Variants in ERBB3 observed in about 807,000 individuals in gnomAD.
The protein encoded by ERBB3 is erb-b2 receptor tyrosine kinase 3.
Under a neutral mutation model 156.7 loss-of-function variants are expected in ERBB3, and 96 were observed. The ratio of observed to expected loss-of-function variants is 0.61; its 90% CI spans 0.52 to 0.73. ERBB3 has a LOEUF of 0.73. Ranked by LOEUF, ERBB3 falls within the 30% of genes least tolerant of loss-of-function variation. The pLI is 0.00. For missense variants in ERBB3, 1,406 were observed against 1,709.4 expected (o/e 0.82, Z 3.13); for synonymous variants, 567 against 632.0 (o/e 0.90, Z 1.54).
In ERBB3 at chr12:56,102,320, C is replaced by CT; in HGVS notation, c.*267dup. On this transcript the variant is annotated 3_prime_UTR_variant, in exon 28 of 28. Transcript: ENST00000267101. ...CTTTCCCAGTCCCATTCCTCAGCTTCTTCACAGGCACTCCTGGAGATATGA... is the reference window on the plus strand; with the variant it reads ...CTTTCCCAGTCCCATTCCTCAGCTTCTTTCACAGGCACTCCTGGAGATATGA... 2.0e-6 allele frequency: 1 copy of CT among 497,316 alleles called. No homozygotes were observed. The highest frequency in any genetic ancestry group is 3.6e-6 in the Non-Finnish European group (1 of 274,012). The allele number at this position is 497,316 out of a possible 1,614,324, so 30.8% of individuals were successfully genotyped here.
chr12:56,088,008 C>G lies in ERBB3; in HGVS notation c.733-13C>G, dbSNP rs774955844. The G allele has an allele frequency of 1.9e-6, 3 of 1,614,052 alleles. No homozygotes were observed. The East Asian group carries it at 6.7e-5, about 36-fold the overall frequency. ...CACGTAACATAAATCTGATGAGCCT[C>G]CTTTTTTCCCAGGCCTGCCGGCACT... On this transcript the variant is annotated splice_polypyrimidine_tract_variant and intron_variant, in intron 6 of 27. Coordinates refer to ENST00000267101, the MANE Select transcript of ERBB3 (RefSeq NM_001982.4).
At position 56,102,309 on chromosome 12, in the gene ERBB3, T is replaced by G; in HGVS notation, c.*254T>G. Reference sequence around the variant, plus strand: ...TATTTTGTGTGCTTTCCCAGTCCCATTCCTCAGCTTCTTCACAGGCACTCC... The same window carrying G: ...TATTTTGTGTGCTTTCCCAGTCCCAGTCCTCAGCTTCTTCACAGGCACTCC... On this transcript the variant is annotated 3_prime_UTR_variant, in exon 28 of 28. Transcript: ENST00000267101. The G allele has an allele frequency of 1.6e-5, 8 of 497,164 alleles. No homozygotes were observed. The highest frequency in any genetic ancestry group is 3.5e-5 in the East Asian group (1 of 28,622). The allele number at this position is 497,164 out of a possible 1,614,324, so 30.8% of individuals were successfully genotyped here. A position where few individuals can be genotyped will look rare whatever the true frequency, so the allele number is the denominator to read the frequency against.
chr12:56,092,667 C>T (rs1245295769), intron 9 of ERBB3, 80 bp from the exon 10 acceptor site: 3 of 982,016 alleles, frequency 3.1e-6, no homozygotes, highest in Admixed American at 3.4e-5. Context: ...TATTTAGAAA[C>T]CAAATGCTGA....
Position 56,088,786 on chromosome 12 carries a change from G to C in ERBB3, c.1027G>C (p.Val343Leu), listed in dbSNP as rs1327190233. The C allele has an allele frequency of 1.9e-6, 3 of 1,614,112 alleles. No homozygotes were observed. Among genetic ancestry groups the C allele is most frequent in the Non-Finnish European group, 2.5e-6 (3 of 1,180,004 alleles). ...AGGCTCTGGGAGCCGCTTCCAGACTGTGGACTCGAGCAACATTGATGGATT... is the reference window on the plus strand; with the variant it reads ...AGGCTCTGGGAGCCGCTTCCAGACTCTGGACTCGAGCAACATTGATGGATT... ...GTGSGSRFQT[V>L]DSSNIDGFVN... Residue 343 changes from valine (V) to leucine (L), a missense_variant, in exon 9 of 28, where the codon GTG becomes CTG. Val to Leu is a conservative substitution (Grantham distance 32). Coordinates refer to ENST00000267101, the MANE Select transcript of ERBB3 (RefSeq NM_001982.4).
rs765496438 is a variant in ERBB3, at chr12:56,093,806, G to A, written c.1523G>A (p.Gly508Glu). The change falls in exon 13 of 28, where the codon GGA (glycine) becomes GAA (glutamate). Residue 508 changes from glycine to glutamate, a missense_variant. By Grantham distance (98) the Gly-to-Glu change is moderately conservative. Around this residue, in one of 3 missense-constraint regions of ERBB3, gnomAD observed 979 missense variants for 1,219.6 expected, o/e 0.80. Coordinates refer to ENST00000267101, the MANE Select transcript of ERBB3 (RefSeq NM_001982.4). ...TGTGACCCACTGTGCTCCTCTGGGG[G>A]ATGCTGGGGCCCAGGCCCTGGTCAG... ...KVCDPLCSSG[G>E]CWGPGPGQCL... 6.2e-7 allele frequency: 1 copy of A among 1,614,082 alleles called. No homozygotes were observed. The highest frequency in any genetic ancestry group is 1.7e-5 in the Admixed American group (1 of 60,018).
chr12:56,103,403 G>A lies in ERBB3; in HGVS notation c.*1348G>A, dbSNP rs937647419. The stretch of plus-strand genomic sequence containing the variant: ...GATCCAGCTTCAGCTGCACACCTCT[G>A]TCCCCTTGGATGGGGAACTAAGGGA... On this transcript the variant is annotated 3_prime_UTR_variant, in exon 28 of 28. Coordinates refer to ENST00000267101, the MANE Select transcript of ERBB3 (RefSeq NM_001982.4). 88 of 217,022 alleles carry A rather than the reference G, an allele frequency of 4.1e-4. No individual in the cohort carries two copies. The highest frequency in any genetic ancestry group is 1.9e-3 in the African/African-American group (86 of 44,466). 13.4% of individuals were successfully genotyped at this position (217,022 alleles called of 1,614,324 possible). A position where few individuals can be genotyped will look rare whatever the true frequency, so the allele number is the denominator to read the frequency against.
Position 56,101,188 on chromosome 12 carries a change from A to C in ERBB3, c.3329A>C (p.Glu1110Ala), listed in dbSNP as rs905232572. 4 of 1,614,008 alleles carry C rather than the reference A, an allele frequency of 2.5e-6. No individual in the cohort carries two copies. The African/African-American group carries it at 4.0e-5, about 16-fold the overall frequency. Residue 1110 changes from glutamate (E) to alanine (A), a missense_variant, in exon 27 of 28, where the codon GAG becomes GCG. Around this residue, in one of 3 missense-constraint regions of ERBB3, gnomAD observed 415 missense variants for 454.1 expected, o/e 0.91. Transcript: ENST00000267101. Reference protein sequence around the residue: ...HVTGSEAELQEKVSMCRSRSR... With the variant: ...HVTGSEAELQAKVSMCRSRSR... The stretch of plus-strand genomic sequence containing the variant: ...ACAGGCTCTGAGGCTGAGCTCCAGG[A>C]GAAAGTGTCAATGTGTAGGAGCCGG...
chr12:56,084,913 C>T, intron 2 of ERBB3, 82 bp from the exon 3 acceptor site: 1 of 1,603,892 alleles, frequency 6.2e-7, no homozygotes, highest in East Asian at 2.2e-5. Context: ...GTTAAAGAGT[C>T]TTTAATGCCT....
Position 56,088,026 on chromosome 12 carries a change from C to T in ERBB3, c.738C>T (p.Cys246=), listed in dbSNP as rs2136794903. The T allele has an allele frequency of 6.2e-7, 1 of 1,614,160 alleles. No homozygotes were observed. Among genetic ancestry groups the T allele is most frequent in the Non-Finnish European group, 8.5e-7 (1 of 1,180,026 alleles). ...TGAGCCTCCTTTTTTCCCAGGCCTG[C>T]CGGCACTTCAATGACAGTGGAGCCT... The part of the protein sequence containing the change: ...SGPQDTDCFA[C]RHFNDSGACV... Residue 246 remains cysteine, a synonymous_variant, in exon 7 of 28, where the codon TGC becomes TGT. Transcript: ENST00000267101.
Position 56,080,185 on chromosome 12 carries a change from C to G in ERBB3, c.-116C>G. ...CGATTGCAATTTGCAACCTCCGCTG[C>G]CGTCGCCGCAGCAGCCACCAATTCG... On this transcript the variant is annotated 5_prime_UTR_variant, in exon 1 of 28. Coordinates refer to ENST00000267101, the MANE Select transcript of ERBB3 (RefSeq NM_001982.4). 1.2e-6 allele frequency: 1 copy of G among 815,110 alleles called. No homozygotes were observed. The highest frequency in any genetic ancestry group is 2.1e-6 in the Non-Finnish European group (1 of 487,770). The allele number at this position is 815,110 out of a possible 1,614,324, so 50.5% of individuals were successfully genotyped here.
chr12:56,096,403 T>C, intron 17 of ERBB3, 100 bp from the exon 18 acceptor site: 1 of 1,488,386 alleles, frequency 6.7e-7, no homozygotes, highest in Non-Finnish European at 9.3e-7. Flanking sequence ...CTTCCTGCCC[T>C]TTCAGCTGTG....
intron 3 of ERBB3, 23 bp downstream of exon 3, chr12:56,085,204 T>C: frequency 6.2e-7 from 1 of 1,614,178 alleles, no homozygotes; most frequent in Non-Finnish European, 8.5e-7. Flanking sequence ...TGGTTCCTTC[T>C]GGCCTCACCC....
chr12:56,087,604 G>T lies in ERBB3; in HGVS notation c.575G>T (p.Gly192Val), dbSNP rs1868528771. The T allele has an allele frequency of 6.2e-7, 1 of 1,614,188 alleles. No homozygotes were observed. ...CCCCCCTGTCATGAGGTTTGCAAGG[G>T]GCGATGCTGGGGTCCTGGATCAGAA... The part of the protein sequence containing the change: ...SCPPCHEVCK[G>V]RCWGPGSEDC... Residue 192 changes from glycine (G) to valine (V), a missense_variant, in exon 5 of 28, where the codon GGG becomes GTG. Gly to Val is a moderately radical substitution (Grantham distance 109, BLOSUM62 -3). This residue lies in a region of ERBB3 where 979 missense variants were observed against 1,219.6 expected (regional missense o/e 0.80). Transcript: ENST00000267101.
Position 56,088,089 on chromosome 12 carries a change from G to C in ERBB3, c.801G>C (p.Lys267Asn), listed in dbSNP as rs2136795288. 6.2e-7 allele frequency: 1 copy of C among 1,614,178 alleles called. No homozygotes were observed. The highest frequency in any genetic ancestry group is 1.1e-5 in the South Asian group (1 of 91,088). The change falls in exon 7 of 28, where the codon AAG becomes AAC. Residue 267 changes from lysine to asparagine, a missense_variant. Transcript: ENST00000267101. Reference protein sequence around the residue: ...PRCPQPLVYNKLTFQLEPNPH... With the variant: ...PRCPQPLVYNNLTFQLEPNPH... ...GTCCACAGCCTCTTGTCTACAACAA[G>C]CTAACTTTCCAGCTGGAACCCAATC...
Position 56,095,664 on chromosome 12 carries a change from G to A in ERBB3, c.1914-1G>A, listed in dbSNP as rs1440237499. On this transcript the variant is annotated splice_acceptor_variant, in intron 16 of 27. Coordinates refer to ENST00000267101, the MANE Select transcript of ERBB3 (RefSeq NM_001982.4). LOFTEE classifies it high-confidence loss of function. ...ATGTTGGGTTTCTATATATCCCATA[G>A]CAAAACCCATCTGACAATGGCTTTG... The A allele has an allele frequency of 1.9e-6, 3 of 1,614,110 alleles. No individual in the cohort carries two copies. The highest frequency in any genetic ancestry group is 2.5e-6 in the Non-Finnish European group (3 of 1,179,990).
chr12:56,097,040 C>T lies in ERBB3; in HGVS notation c.2275-5C>T, dbSNP rs1280103294. ...TTCCTAGATAATACCTTTTGTGTCTCTTAGCATATGCTGGCCATTGGCAGC... is the reference window on the plus strand; with the variant it reads ...TTCCTAGATAATACCTTTTGTGTCTTTTAGCATATGCTGGCCATTGGCAGC... On this transcript the variant is annotated splice_region_variant and splice_polypyrimidine_tract_variant and intron_variant, in intron 19 of 27. Coordinates refer to ENST00000267101, the MANE Select transcript of ERBB3 (RefSeq NM_001982.4). 6.2e-7 allele frequency: 1 copy of T among 1,613,982 alleles called. No individual in the cohort carries two copies. The highest frequency in any genetic ancestry group is 1.7e-5 in the Admixed American group (1 of 60,010).
In ERBB3 at chr12:56,083,783, A is replaced by G. The variant is rs750029748; in HGVS notation, c.115A>G (p.Thr39Ala). 1.9e-6 allele frequency: 3 copies of G among 1,614,102 alleles called. No homozygotes were observed. The highest frequency in any genetic ancestry group is 2.5e-6 in the Non-Finnish European group (3 of 1,179,996). ...CPGTLNGLSVTGDAENQYQTL... is the reference protein window; with the variant it reads ...CPGTLNGLSVAGDAENQYQTL... ...TGGGACTCTGAATGGCCTGAGTGTG[A>G]CCGGCGATGCTGAGAACCAATACCA... The change falls in exon 2 of 28, where the codon ACC (threonine) becomes GCC (alanine). Residue 39 changes from threonine (T) to alanine (A), a missense_variant. By Grantham distance (58) the Thr-to-Ala change is moderately conservative. Around this residue, in one of 3 missense-constraint regions of ERBB3, gnomAD observed 979 missense variants for 1,219.6 expected, o/e 0.80. Transcript: ENST00000267101.
upstream of ERBB3, chr12:56,080,144 ACTCCGG>A (rs1199067796): frequency 1.9e-5 from 13 of 675,734 alleles, no homozygotes; most frequent in Non-Finnish European, 3.2e-5. Context: ...CCCTCCCCGG[ACTCCGG>A]CTCCGGCTCC....
chr12:56,085,681 T>C, intron 3 of ERBB3: 1 of 169,348 alleles, frequency 5.9e-6, no homozygotes, highest in South Asian at 1.8e-4. Context: ...GGAGACTCGC[T>C]TGAACCTGGG....
Sources: allele counts gnomAD v4.1 joint callset, GRCh38; gene constraint gnomAD v4.1.1; regional missense constraint gnomAD v4.1.1; transcripts MANE v1.5; gene names NCBI Gene and HGNC (gene_info 2026-07-23, HGNC 2026-07-21).